The following ATP6V1C2 variants were observed in gnomAD, a reference collection of about 807,000 sequenced individuals.
The protein encoded by ATP6V1C2 is V-type proton ATPase subunit C 2.
In ATP6V1C2, 45 loss-of-function variants were observed where a neutral mutation model predicts 56.8. The ratio of observed to expected loss-of-function variants is 0.79; its 90% CI spans 0.62 to 1.02. ATP6V1C2 has a LOEUF of 1.02. Among genes scored for constraint, ATP6V1C2 ranks in the 50% least tolerant of loss-of-function variants. The probability of loss-of-function intolerance (pLI) is 0.00; values close to 1 mark genes in which losing one functional copy is unlikely to be tolerated. For synonymous variants in ATP6V1C2, 220 were observed against 201.3 expected, an observed-to-expected ratio of 1.09 and a Z score of -0.79; for missense variants, 463 against 519.7, an observed-to-expected ratio of 0.89 and a Z score of 1.06.
chr2:10,776,390 G>A (rs1664986744), intron 10 of ATP6V1C2, among the ~76,000 whole-genome samples: 1 of 152,138 alleles, frequency 6.6e-6, no homozygotes, highest in East Asian at 1.9e-4. Context: ...TGCGGGGAGG[G>A]TGTCGCCTCC....
chr2:10,777,546 G>A (rs377092373), intron 10 of ATP6V1C2, 39 bp from the exon 11 acceptor site: 2 of 1,598,104 alleles, frequency 1.3e-6, no homozygotes, highest in Non-Finnish European at 1.7e-6. Flanking sequence ...TGTGATGCAT[G>A]TTTGCTGAAA....
chr2:10,733,307 G>A (rs955224652), intron 3 of ATP6V1C2, among the ~76,000 whole-genome samples: 1 of 152,154 alleles, frequency 6.6e-6, no homozygotes, highest in Non-Finnish European at 1.5e-5. Context: ...CTGGAGAATG[G>A]CATCAGTTCT....
chr2:10,747,238 A>G (rs988437297), intron 3 of ATP6V1C2, among the ~76,000 whole-genome samples: 2 of 152,230 alleles, frequency 1.3e-5, no homozygotes, highest in Non-Finnish European at 2.9e-5. Context: ...ATTGCACTCA[A>G]GCTTGGGCAA....
rs929862635 is a variant in ATP6V1C2 at position 10,780,306 on chromosome 2, C to T, written c.1061+1637C>T. ...CACCCCTGACAGGCCCGGTCCACTC[C>T]GCCTTTGCACTCTCTCTTTCACGGG... On this transcript the variant is annotated intron_variant, in intron 12 of 13. Transcript: ENST00000272238. This position sits in a 1 kb window ranked among gnomAD's most constrained non-coding sequence, Gnocchi z 4.1. Among the ~76,000 whole-genome samples, 6 of 152,202 alleles carry T rather than the reference C, an allele frequency of 3.9e-5. No homozygotes were observed. Among genetic ancestry groups the T allele is most frequent in the African/African-American group, 9.7e-5 (4 of 41,432 alleles).
chr2:10,747,950 T>C (rs1168128866), intron 3 of ATP6V1C2, among the ~76,000 whole-genome samples: 1 of 152,114 alleles, frequency 6.6e-6, no homozygotes, highest in Non-Finnish European at 1.5e-5. Flanking sequence ...AACCTCTGCC[T>C]CCCAGGCTCA....
chr2:10,760,903 A>T lies in ATP6V1C2; in HGVS notation c.284-3428A>T, dbSNP rs116693039. On this transcript the variant is annotated intron_variant, in intron 4 of 13. Coordinates refer to ENST00000272238, the MANE Select transcript of ATP6V1C2 (RefSeq NM_001039362.2). Reference sequence around the variant, plus strand: ...TGTATCTCTTCCAAGCCACGTAGACAGTGCGAGCTGATACCACAGTCATGG... The same window carrying T: ...TGTATCTCTTCCAAGCCACGTAGACTGTGCGAGCTGATACCACAGTCATGG... Among the ~76,000 whole-genome samples the T allele has an allele frequency of 7.5e-3, 1,149 of 152,334 alleles. 16 individuals carry two copies. The highest frequency in any genetic ancestry group is 0.026 in the African/African-American group (1,082 of 41,560).
In ATP6V1C2 at chr2:10,782,249, A is replaced by G. The variant is rs1177632980; in HGVS notation, c.1068A>G (p.Gly356=). The G allele has an allele frequency of 1.2e-6, 2 of 1,614,114 alleles. No homozygotes were observed. The highest frequency in any genetic ancestry group is 2.7e-5 in the African/African-American group (2 of 75,032). Residue 356 remains glycine, a synonymous_variant, in exon 13 of 14, where the codon GGA becomes GGG. Transcript: ENST00000272238. ...RVFVESVLRY[G]LPVNFQAVLL... is the part of the protein sequence containing the mutation. ...ATTTTGTCTATCTGAAAAGGTATGG[A>G]CTACCAGTGAACTTCCAGGCAGTGC...
intron 2 of ATP6V1C2, among the ~76,000 whole-genome samples, chr2:10,725,489 AT>A (rs371459373): frequency 0.018 from 1,887 of 107,122 alleles, 24 homozygotes; most frequent in African/African-American, 0.062. Flanking sequence ...CCCAGCAAGA[AT>A]TTTTTTTTTT....
intron 6 of ATP6V1C2, among the ~76,000 whole-genome samples, chr2:10,771,425 C>T (rs552305261): frequency 2.6e-5 from 4 of 152,320 alleles, no homozygotes; most frequent in South Asian, 4.1e-4. Flanking sequence ...CTATCGAGGA[C>T]GGCTCAACGC....
chr2:10,751,342 C>T (rs1299446424), intron 3 of ATP6V1C2, among the ~76,000 whole-genome samples: 1 of 152,170 alleles, frequency 6.6e-6, no homozygotes, highest in Non-Finnish European at 1.5e-5. Context: ...CTTGCAGACT[C>T]TGATACCTCA....
rs903754114 is a variant in ATP6V1C2, at chr2:10,768,781, A to G, written c.441A>G (p.Thr147=). The part of the protein sequence containing the change: ...SRTAAYNTLK[T]NLENLEKKSM... ...CGGCCGCCTACAACACTCTGAAGAC[A>G]AACCTGGAGAACCTGGAAAAGAAAT... The change falls in exon 6 of 14, where the codon ACA becomes ACG. Residue 147 remains threonine, a synonymous_variant. Transcript: ENST00000272238. 4.3e-6 allele frequency: 7 copies of G among 1,613,852 alleles called. No homozygotes were observed. In the African/African-American group the frequency reaches 9.3e-5, roughly 22 times the overall value.
At chr2:10,744,432 G>C (rs2148441166) in intron 3 of ATP6V1C2, among the ~76,000 whole-genome samples, 1 of 152,270 alleles carries the variant, frequency 6.6e-6, no homozygotes, top group Non-Finnish European at 1.5e-5. Context: ...GTGAGGTTGA[G>C]CTTTCTTCCT....
chr2:10,778,717 G>A, intron 12 of ATP6V1C2, 48 bp downstream of exon 12: 4 of 1,589,352 alleles, frequency 2.5e-6, no homozygotes, highest in Middle Eastern at 1.7e-4. Context: ...GGATGGGCAG[G>A]GTCTGGGGGA....
chr2:10,727,050 TTC>T (rs1661681793), intron 3 of ATP6V1C2, among the ~76,000 whole-genome samples: 1 of 142,336 alleles, frequency 7.0e-6, no homozygotes, highest in Admixed American at 6.8e-5. Flanking sequence ...CCTTCCTTCC[TTC>T]CTCCCTCCCT....
At chr2:10,764,255 G>C in intron 4 of ATP6V1C2, 76 bp from the exon 5 acceptor site, 1 of 1,316,666 alleles carries the variant, frequency 7.6e-7, no homozygotes, top group Non-Finnish European at 1.1e-6. Flanking sequence ...GCTGATGCTT[G>C]GCTTGGGATT....
At chr2:10,742,549 T>C (rs1443152310) in intron 3 of ATP6V1C2, among the ~76,000 whole-genome samples, 2 of 152,190 alleles carry the variant, frequency 1.3e-5, no homozygotes, top group South Asian at 2.1e-4. Context: ...GCAAGGCTTC[T>C]AGGCACCCGC....
intron 13 of ATP6V1C2, 84 bp downstream of exon 13, chr2:10,782,459 A>G (rs1179821678): frequency 1.4e-6 from 2 of 1,455,820 alleles, no homozygotes; most frequent in African/African-American, 2.8e-5. Context: ...TAATCCCAAC[A>G]CTTTGGGAGG....
At chr2:10,734,822 A>C (rs1478109002) in intron 3 of ATP6V1C2, among the ~76,000 whole-genome samples, 1 of 152,196 alleles carries the variant, frequency 6.6e-6, no homozygotes, top group South Asian at 2.1e-4. Flanking sequence ...TTGTACTATC[A>C]ATCATTGTTA....
At chr2:10,769,088 G>A (rs575354489) in intron 6 of ATP6V1C2, among the ~76,000 whole-genome samples, 11 of 152,356 alleles carry the variant, frequency 7.2e-5, no homozygotes, top group African/African-American at 2.2e-4. Context: ...TCTCCAGGGC[G>A]CCTGGGTGCT....
Sources: gnomAD v4.1 joint callset for allele counts (sites outside exome capture counted in the v4.1 genomes callset) on GRCh38, gnomAD v4.1.1 for gene constraint, Gnocchi (gnomAD v3.1) non-coding constraint, MANE v1.5 for transcripts, NCBI Gene and HGNC (gene_info 2026-07-23, HGNC 2026-07-21) for gene names.